Variants in PAPPA observed in about 807,000 individuals in gnomAD.
PAPPA encodes the protein pappalysin-1.
In PAPPA, 60 loss-of-function variants were observed where a neutral mutation model predicts 164.0. The ratio of observed to expected loss-of-function variants is 0.37; its 90% confidence interval spans 0.30 to 0.45. PAPPA has a LOEUF of 0.45. Among genes scored for constraint, PAPPA ranks in the 20% least tolerant of loss-of-function variants. PAPPA has a pLI of 1.00. For missense variants in PAPPA, 1,782 were observed against 2,087.3 expected (o/e 0.85, Z 2.85); for synonymous variants, 875 against 814.1 (o/e 1.07, Z -1.27).
chr9:116,310,177 G>A (rs1446910661), intron 10 of PAPPA, among the ~76,000 whole-genome samples: 1 of 152,154 alleles, frequency 6.6e-6, no homozygotes, highest in East Asian at 1.9e-4. Context: ...ACTTCTAAGG[G>A]GCTCTCTGCC....
intron 9 of PAPPA, among the ~76,000 whole-genome samples, chr9:116,295,406 TA>T (rs1296829837): frequency 6.6e-6 from 1 of 151,724 alleles, no homozygotes; most frequent in Non-Finnish European, 1.5e-5. Flanking sequence ...ATACAAAAAT[TA>T]GCCGGATGTG....
At chr9:116,209,036 A>G (rs1160557717) in intron 3 of PAPPA, among the ~76,000 whole-genome samples, 1 of 152,180 alleles carries the variant, frequency 6.6e-6, no homozygotes, top group Admixed American at 6.6e-5. Context: ...CATGTCCACA[A>G]TGTCCACTAC....
chr9:116,169,114 A>G (rs1843746187), intron 1 of PAPPA, among the ~76,000 whole-genome samples: 1 of 152,120 alleles, frequency 6.6e-6, no homozygotes, highest in African/African-American at 2.4e-5. Context: ...GAGTGAAGGC[A>G]GACACATTGT....
intron 2 of PAPPA, among the ~76,000 whole-genome samples, chr9:116,195,397 C>A (rs367571563): frequency 6.6e-6 from 1 of 152,032 alleles, no homozygotes; most frequent in Non-Finnish European, 1.5e-5. Flanking sequence ...ATAAGGAGCT[C>A]GAAACAGTGA....
chr9:116,277,007 G>A lies in PAPPA; in HGVS notation c.2953+5591G>A, dbSNP rs567399972. Among the ~76,000 whole-genome samples, 243 of 152,190 alleles carry A rather than the reference G, an allele frequency of 1.6e-3. 1 individual carries two copies. Among genetic ancestry groups the A allele is most frequent in the Admixed American group, 3.8e-3 (58 of 15,288 alleles). On this transcript the variant is annotated intron_variant, in intron 9 of 21. Coordinates refer to ENST00000328252, the MANE Select transcript of PAPPA (RefSeq NM_002581.5). Reference sequence around the variant, plus strand: ...GGAAAACAAGAAGATGAATCGCCACGTCTTCTTGGTGGAGGTTCCGATGAG... The same window carrying A: ...GGAAAACAAGAAGATGAATCGCCACATCTTCTTGGTGGAGGTTCCGATGAG...
Position 116,176,359 on chromosome 9 carries a change from G to A in PAPPA, c.416-10795G>A, listed in dbSNP as rs149493458. The stretch of plus-strand genomic sequence containing the variant: ...ATAGGATTTTAGGAAGATGAATCTG[G>A]TGATGCTTCACAGGCTGTATAAGGG... On this transcript the variant is annotated intron_variant, in intron 1 of 21. Transcript: ENST00000328252. Among the ~76,000 whole-genome samples the A allele has an allele frequency of 6.0e-3, 908 of 152,296 alleles. 12 individuals carry two copies. Among genetic ancestry groups the A allele is most frequent in the African/African-American group, 0.021 (863 of 41,544 alleles).
intron 14 of PAPPA, among the ~76,000 whole-genome samples, chr9:116,346,329 A>G (rs1846209007): frequency 6.6e-6 from 1 of 151,932 alleles, no homozygotes; most frequent in Non-Finnish European, 1.5e-5. Context: ...CATTTTTCCT[A>G]GGCTTTTTTT....
intron 18 of PAPPA, among the ~76,000 whole-genome samples, chr9:116,365,532 G>A (rs1454566737): frequency 7.0e-6 from 1 of 142,114 alleles, no homozygotes; most frequent in African/African-American, 2.6e-5. Context: ...GACAGCAAGT[G>A]TCTCCTGTTT....
chr9:116,313,871 G>A (rs1218517602), intron 10 of PAPPA, among the ~76,000 whole-genome samples: 1 of 152,058 alleles, frequency 6.6e-6, no homozygotes, highest in African/African-American at 2.4e-5. Flanking sequence ...TGCCAGGGCT[G>A]CTACTTGCAT....
chr9:116,221,123 G>C (rs1404636402), intron 5 of PAPPA, among the ~76,000 whole-genome samples: 1 of 151,958 alleles, frequency 6.6e-6, no homozygotes, highest in Non-Finnish European at 1.5e-5. Flanking sequence ...CTGAAAACTG[G>C]GTCTAATGAT....
At chr9:116,212,137 C>G (rs540610187) in intron 4 of PAPPA, among the ~76,000 whole-genome samples, 1 of 152,286 alleles carries the variant, frequency 6.6e-6, no homozygotes, top group South Asian at 2.1e-4. Flanking sequence ...ACTAGCATCT[C>G]CATGATCCTT....
chr9:116,276,087 G>A (rs1005762235), intron 9 of PAPPA, among the ~76,000 whole-genome samples: 1 of 152,124 alleles, frequency 6.6e-6, no homozygotes, highest in African/African-American at 2.4e-5. Flanking sequence ...CAGGCCTGAG[G>A]TTTCAGTGAA....
chr9:116,335,320 T>C (rs572854425), intron 13 of PAPPA, among the ~76,000 whole-genome samples: 4 of 152,192 alleles, frequency 2.6e-5, no homozygotes, highest in African/African-American at 9.6e-5. Flanking sequence ...AGCGGCAGAA[T>C]TGACAATAGC....
At chr9:116,336,882 A>G (rs995763125) in intron 13 of PAPPA, among the ~76,000 whole-genome samples, 17 of 152,182 alleles carry the variant, frequency 1.1e-4, no homozygotes, top group East Asian at 3.8e-4. Context: ...AACAGTTAGG[A>G]AACATGAGAG....
intron 15 of PAPPA, among the ~76,000 whole-genome samples, chr9:116,351,765 C>T (rs1164406186): frequency 6.6e-6 from 1 of 152,190 alleles, no homozygotes; most frequent in Non-Finnish European, 1.5e-5. Flanking sequence ...ATATCAGAAG[C>T]ACTCGGTACA....
intron 2 of PAPPA, among the ~76,000 whole-genome samples, chr9:116,196,803 G>A (rs564733607): frequency 3.3e-5 from 5 of 152,240 alleles, no homozygotes; most frequent in African/African-American, 1.2e-4. Context: ...TGGCCTGGTG[G>A]TGAAGGGTGG....
chr9:116,375,250 C>T (rs768776116), intron 19 of PAPPA, among the ~76,000 whole-genome samples: 9 of 152,184 alleles, frequency 5.9e-5, no homozygotes, highest in Non-Finnish European at 1.0e-4. Flanking sequence ...CCACTTTATG[C>T]GTGTACTGGG....
intron 6 of PAPPA, among the ~76,000 whole-genome samples, chr9:116,231,046 A>G (rs1040622541): frequency 2.0e-5 from 3 of 150,324 alleles, no homozygotes; most frequent in Admixed American, 1.4e-4. Flanking sequence ...CCAAGTTTTT[A>G]TAACTATATT....
intron 21 of PAPPA, among the ~76,000 whole-genome samples, chr9:116,391,047 A>G (rs1267116100): frequency 6.6e-6 from 1 of 152,206 alleles, no homozygotes; most frequent in African/African-American, 2.4e-5. Flanking sequence ...AACTTGCCGG[A>G]TAGCATACAC....
Sources: gnomAD v4.1 joint callset for allele counts (sites outside exome capture counted in the v4.1 genomes callset) on GRCh38, gnomAD v4.1.1 for gene constraint, MANE v1.5 for transcripts, NCBI Gene and HGNC (gene_info 2026-07-23, HGNC 2026-07-21) for gene names.